GARNL3: variants seen among roughly 807,000 people sequenced by gnomAD.
GARNL3 encodes GTPase activating Rap/RanGAP domain like 3.
Under a neutral mutation model 125.0 loss-of-function variants are expected in GARNL3, and 63 were observed. The ratio of observed to expected loss-of-function variants is 0.50; its 90% CI spans 0.41 to 0.62. GARNL3 has a LOEUF of 0.62. GARNL3 is among the 20% of genes least tolerant of loss of function. The pLI, the probability that GARNL3 is intolerant of heterozygous loss-of-function variation, is 0.00. For missense variants in GARNL3, 994 were observed against 1,244.0 expected (o/e 0.80, Z 3.02); for synonymous variants, 439 against 457.5 (o/e 0.96, Z 0.52).
At chr9:127,255,467 G>C (rs2131224314) in intron 2 of GARNL3, among the ~76,000 whole-genome samples, 1 of 152,312 alleles carries the variant, frequency 6.6e-6, no homozygotes, top group Admixed American at 6.5e-5. Flanking sequence ...TAAGTACATA[G>C]TATAAATATA....
In GARNL3 at chr9:127,266,571, T is replaced by C. The variant is rs1041529003; in HGVS notation, c.144+1550T>C. On this transcript the variant is annotated intron_variant, in intron 1 of 27. Transcript: ENST00000373387. This position sits in a 1 kb window ranked among gnomAD's most constrained non-coding sequence, Gnocchi z 4.0. ...AAGTCATTCTTGTTTCATCATTCAC[T>C]AATTGTATGATCTTGGACTTCCTTT... Among the ~76,000 whole-genome samples, 5 of 152,240 alleles carry C rather than the reference T, an allele frequency of 3.3e-5. No individual in the cohort carries two copies. Among genetic ancestry groups the C allele is most frequent in the African/African-American group, 1.2e-4 (5 of 41,476 alleles).
chr9:127,258,228 G>T (rs980089762), intron 2 of GARNL3, among the ~76,000 whole-genome samples: 2 of 152,162 alleles, frequency 1.3e-5, no homozygotes, highest in Non-Finnish European at 2.9e-5. Flanking sequence ...AGAGTTAGAA[G>T]AATCAAAGTG....
intron 21 of GARNL3, among the ~76,000 whole-genome samples, chr9:127,360,210 A>G (rs1400619545): frequency 1.3e-5 from 2 of 152,066 alleles, no homozygotes; most frequent in African/African-American, 4.8e-5. Flanking sequence ...TTTAGTAGAG[A>G]CAGGGTTTCA....
At chr9:127,377,401 TAA>T (rs1831978726) in intron 22 of GARNL3, among the ~76,000 whole-genome samples, 1 of 152,176 alleles carries the variant, frequency 6.6e-6, no homozygotes, top group South Asian at 2.1e-4. Context: ...AAGTGAAATA[TAA>T]AAAGTCAGTG....
chr9:127,333,184 C>A, intron 9 of GARNL3, 63 bp downstream of exon 9: 2 of 1,305,088 alleles, frequency 1.5e-6, no homozygotes, highest in Non-Finnish European at 2.2e-6. Context: ...CAGCCTGACC[C>A]GTGTCTGAAC....
rs1829488663 is a variant in GARNL3 at position 127,335,318 on chromosome 9, A to C, written c.858A>C (p.Lys286Asn). 1 of 1,612,716 alleles carries C rather than the reference A, an allele frequency of 6.2e-7. No individual in the cohort carries two copies. The highest frequency in any genetic ancestry group is 1.3e-5 in the African/African-American group (1 of 75,040). The stretch of plus-strand genomic sequence containing the variant: ...TTTCCACCATGTTGCCATATTCCAA[A>C]GAGAACAAACAGCAGGTACATGTGA... ...FHVSTMLPYSKENKQQVERKR... is the reference protein window; with the variant it reads ...FHVSTMLPYSNENKQQVERKR... The change falls in exon 10 of 28, where the codon AAA (lysine) becomes AAC (asparagine). Residue 286 changes from lysine (K) to asparagine (N), a missense_variant. Transcript: ENST00000373387.
At position 127,253,386 on chromosome 9, in the gene GARNL3, C is replaced by G. The variant is rs535260679; in HGVS notation, c.143+10137C>G. 1.1e-4 allele frequency among the ~76,000 whole-genome samples: 16 copies of G among 152,356 alleles called. 1 individual carries two copies. In the South Asian group the frequency reaches 3.3e-3, roughly 32 times the overall value. On this transcript the variant is annotated intron_variant, in intron 2 of 10. Transcript: ENST00000439286. ...TATATGGCCCCAAAGGACTGGCTGG[C>G]TTGCTTGCATTCATTCACACTTTCA...
At chr9:127,334,042 A>G (rs920036792) in intron 9 of GARNL3, among the ~76,000 whole-genome samples, 2 of 152,112 alleles carry the variant, frequency 1.3e-5, no homozygotes, top group Admixed American at 1.3e-4. Flanking sequence ...AGCCATTTTC[A>G]TGGTAGAATT....
chr9:127,299,624 G>A (rs2131406359), intron 2 of GARNL3, among the ~76,000 whole-genome samples: 1 of 152,074 alleles, frequency 6.6e-6, no homozygotes, highest in East Asian at 2.0e-4. Context: ...AGGCTGGAGT[G>A]CAATGGCGTG....
At chr9:127,288,057 G>C (rs2064304059) in intron 1 of GARNL3, among the ~76,000 whole-genome samples, 1 of 152,228 alleles carries the variant, frequency 6.6e-6, no homozygotes, top group Admixed American at 6.5e-5. Context: ...TGGAGATGCA[G>C]TGGTGAGAAC....
chr9:127,246,237 G>T (rs2063301788), intron 2 of GARNL3, among the ~76,000 whole-genome samples: 1 of 152,202 alleles, frequency 6.6e-6, no homozygotes, highest in Admixed American at 6.5e-5. Flanking sequence ...CTGGATTTCA[G>T]TAGGATGAGG....
intron 1 of GARNL3, among the ~76,000 whole-genome samples, 176 bp from the exon 2 acceptor site, chr9:127,290,992 G>C (rs779859856): frequency 6.6e-6 from 1 of 152,206 alleles, no homozygotes; most frequent in Non-Finnish European, 1.5e-5. Context: ...GGGTTCCCAA[G>C]GACAGTGGGA....
rs79983053 is a variant in GARNL3 at position 127,297,089 on chromosome 9, A to T, written c.219+5847A>T. On this transcript the variant is annotated intron_variant, in intron 2 of 27. Coordinates refer to ENST00000373387, the MANE Select transcript of GARNL3 (RefSeq NM_032293.5). ...CATTTTTCAGAATCTCTTAATTTCTAGAAAGGTCTTTTTATTGAACATAAT... is the reference window on the plus strand; with the variant it reads ...CATTTTTCAGAATCTCTTAATTTCTTGAAAGGTCTTTTTATTGAACATAAT... 5.5e-3 allele frequency among the ~76,000 whole-genome samples: 837 copies of T among 152,332 alleles called. 22 individuals are homozygous for T. The East Asian group carries it at 0.082, about 15-fold the overall frequency.
rs572174532 is a variant in GARNL3 at position 127,317,223 on chromosome 9, C to T, written c.439-840C>T. ...CATTGAGTATTCCTATAATGAGTCA[C>T]AGTTGGTACTCATTTAGGAGAAAGG... On this transcript the variant is annotated intron_variant, in intron 4 of 27. Coordinates refer to ENST00000373387, the MANE Select transcript of GARNL3 (RefSeq NM_032293.5). Among the ~76,000 whole-genome samples the T allele has an allele frequency of 2.6e-5, 4 of 152,260 alleles. No individual in the cohort carries two copies. The East Asian group carries it at 5.8e-4, about 22-fold the overall frequency.
Position 127,393,560 on chromosome 9 carries a change from T to G in GARNL3, c.*306T>G, listed in dbSNP as rs1212786005. The stretch of plus-strand genomic sequence containing the variant: ...TCTTATTTACTGCAACCTTCTCATA[T>G]TTTATATACTTAGATGGAAAATTAT... On this transcript the variant is annotated 3_prime_UTR_variant, in exon 28 of 28. Transcript: ENST00000373387. 1 of 188,776 alleles carries G rather than the reference T, an allele frequency of 5.3e-6. No individual in the cohort carries two copies. The highest frequency in any genetic ancestry group is 2.3e-5 in the African/African-American group (1 of 42,916). 11.7% of individuals were successfully genotyped at this position (188,776 alleles called of 1,614,324 possible). A position where few individuals can be genotyped will look rare whatever the true frequency, so the allele number is the denominator to read the frequency against.
intron 24 of GARNL3, among the ~76,000 whole-genome samples, chr9:127,386,269 A>G (rs1247103209): frequency 6.6e-6 from 1 of 152,258 alleles, no homozygotes; most frequent in East Asian, 1.9e-4. Context: ...ACTCATAGTC[A>G]TTAAACTGAA....
chr9:127,286,874 G>T (rs966725688), intron 1 of GARNL3, among the ~76,000 whole-genome samples: 1 of 152,172 alleles, frequency 6.6e-6, no homozygotes, highest in South Asian at 2.1e-4. Flanking sequence ...GAACGTCACA[G>T]TGCGGTAAAA....
chr9:127,280,374 G>A lies in GARNL3; in HGVS notation c.145-10794G>A, dbSNP rs967316019. Among the ~76,000 whole-genome samples, 2 of 152,178 alleles carry A rather than the reference G, an allele frequency of 1.3e-5. No homozygotes were observed. The highest frequency in any genetic ancestry group is 2.9e-5 in the Non-Finnish European group (2 of 68,036). ...TGTCATGAAAAAGAGGTGCTTGTAC[G>A]AGTGAGGCTACCTCAAAATGCAGTG... is the stretch of plus-strand genomic sequence containing the variant. On this transcript the variant is annotated intron_variant, in intron 1 of 27. Coordinates refer to ENST00000373387, the MANE Select transcript of GARNL3 (RefSeq NM_032293.5). The surrounding 1 kb of genome is among the most constrained non-coding windows in gnomAD (Gnocchi z 4.5).
At chr9:127,353,526 C>A in intron 17 of GARNL3, 1 of 231,800 alleles carries the variant, frequency 4.3e-6, no homozygotes, top group Non-Finnish European at 8.3e-6. Flanking sequence ...TTGGTACAAC[C>A]CTAGTAAAAA....
Sources: gnomAD v4.1 joint callset for allele counts (sites outside exome capture counted in the v4.1 genomes callset) on GRCh38, gnomAD v4.1.1 for gene constraint, Gnocchi (gnomAD v3.1) non-coding constraint, MANE v1.5 for transcripts, NCBI Gene and HGNC (gene_info 2026-07-23, HGNC 2026-07-21) for gene names.